Variants in PDE7B observed in about 807,000 individuals in gnomAD.
PDE7B encodes 3',5'-cyclic-AMP phosphodiesterase 7B.
In PDE7B, 29 loss-of-function variants were observed where a neutral mutation model predicts 56.2. The observed-to-expected ratio is 0.52, with a 90% CI of 0.38 to 0.70. PDE7B has a LOEUF of 0.70. PDE7B is among the 30% of genes least tolerant of loss of function. The pLI is 0.00. For missense variants in PDE7B, 490 were observed against 565.0 expected (o/e 0.87, Z 1.35); for synonymous variants, 197 against 196.9 (o/e 1.00, Z 0.00).
At chr6:135,998,500 T>C (rs1322137104) in intron 2 of PDE7B, among the ~76,000 whole-genome samples, 4 of 152,230 alleles carry the variant, frequency 2.6e-5, no homozygotes, top group African/African-American at 4.8e-5. Flanking sequence ...CTCACGCCTG[T>C]AATCCCAGCA....
intron 1 of PDE7B, among the ~76,000 whole-genome samples, chr6:135,920,825 A>G (rs1774061712): frequency 6.6e-6 from 1 of 152,200 alleles, no homozygotes; most frequent in South Asian, 2.1e-4. Flanking sequence ...TGCGCAGAGT[A>G]TCCAATCCCA....
intron 8 of PDE7B, among the ~76,000 whole-genome samples, chr6:136,173,089 T>G (rs1029167644): frequency 6.6e-6 from 1 of 151,528 alleles, no homozygotes; most frequent in Non-Finnish European, 1.5e-5. Context: ...CAAGGTAATT[T>G]ATAGATTCAA....
intron 2 of PDE7B, 98 bp from the exon 3 acceptor site, chr6:136,108,633 C>A (rs1777693139): frequency 3.8e-6 from 3 of 796,780 alleles, no homozygotes; most frequent in Non-Finnish European, 4.5e-6. Context: ...CCATTTTTCT[C>A]CTGACATCTG....
At chr6:135,868,199 A>G (rs1275923580) in intron 1 of PDE7B, among the ~76,000 whole-genome samples, 1 of 151,880 alleles carries the variant, frequency 6.6e-6, no homozygotes, top group Non-Finnish European at 1.5e-5. Flanking sequence ...TCAGGCTAGG[A>G]TAAGTTCTTT....
At chr6:136,181,394 G>T in intron 11 of PDE7B, 71 bp downstream of exon 11, 1 of 904,046 alleles carries the variant, frequency 1.1e-6, no homozygotes. Context: ...AATAAAACAG[G>T]AAATGGCTGA....
At chr6:136,011,448 T>C (rs192856641) in intron 2 of PDE7B, among the ~76,000 whole-genome samples, 54 of 152,380 alleles carry the variant, frequency 3.5e-4, no homozygotes, top group African/African-American at 1.2e-3. Context: ...GCCAAAGTTA[T>C]AGAAAATATA....
intron 8 of PDE7B, among the ~76,000 whole-genome samples, chr6:136,165,895 G>A (rs979799447): frequency 2.0e-5 from 3 of 152,170 alleles, no homozygotes; most frequent in Non-Finnish European, 2.9e-5. Context: ...GGTTCTGTGA[G>A]TAAGGAAGAA....
intron 1 of PDE7B, among the ~76,000 whole-genome samples, chr6:135,909,669 CAT>C (rs1776177632): frequency 1.3e-5 from 2 of 152,108 alleles, no homozygotes; most frequent in African/African-American, 2.4e-5. Context: ...TCATAATAAT[CAT>C]ATATGTTATT....
chr6:135,922,245 A>G (rs945492864), intron 1 of PDE7B, among the ~76,000 whole-genome samples: 2 of 152,194 alleles, frequency 1.3e-5, no homozygotes, highest in South Asian at 2.1e-4. Flanking sequence ...GTGGCATTTT[A>G]TATGAGTCAG....
At chr6:135,997,942 A>AAAAC (rs1471853247) in intron 2 of PDE7B, among the ~76,000 whole-genome samples, 1 of 152,172 alleles carries the variant, frequency 6.6e-6, no homozygotes, top group African/African-American at 2.4e-5. Context: ...TACATTTTAC[A>AAAAC]AAACAAACAA....
chr6:136,065,313 G>A (rs1041911210), intron 2 of PDE7B, among the ~76,000 whole-genome samples: 2 of 152,072 alleles, frequency 1.3e-5, no homozygotes, highest in African/African-American at 4.8e-5. Context: ...AAATCACAGG[G>A]CTAGAATAAT....
At position 135,994,808 on chromosome 6, in the gene PDE7B, T is replaced by C. The variant is rs539993311; in HGVS notation, c.82+47284T>C. ...AACAATTCGAGAATGCTAAGAATTA[T>C]TATATTAGCATGTACTAAAGCTCTC... On this transcript the variant is annotated intron_variant, in intron 2 of 12. Coordinates refer to ENST00000308191, the MANE Select transcript of PDE7B (RefSeq NM_018945.4). Among the ~76,000 whole-genome samples, 9 of 152,284 alleles carry C rather than the reference T, an allele frequency of 5.9e-5. No individual in the cohort carries two copies. In the East Asian group the frequency reaches 1.3e-3, roughly 23 times the overall value.
At chr6:136,115,200 A>T (rs1365208188) in intron 3 of PDE7B, among the ~76,000 whole-genome samples, 2 of 152,146 alleles carry the variant, frequency 1.3e-5, no homozygotes, top group Non-Finnish European at 2.9e-5. Context: ...CAAATAATAC[A>T]TGCCTGTATA....
intron 2 of PDE7B, among the ~76,000 whole-genome samples, chr6:136,096,863 C>T (rs949592970): frequency 6.6e-6 from 1 of 151,992 alleles, no homozygotes; most frequent in African/African-American, 2.4e-5. Flanking sequence ...CTATGCTTCT[C>T]TCTCTCTCTC....
intron 3 of PDE7B, among the ~76,000 whole-genome samples, chr6:136,131,054 C>A (rs1286187341): frequency 6.6e-6 from 1 of 152,138 alleles, no homozygotes; most frequent in Non-Finnish European, 1.5e-5. Flanking sequence ...AAACCATATC[C>A]ATTCTGTATA....
chr6:136,103,352 T>A (rs2128217396), intron 2 of PDE7B, among the ~76,000 whole-genome samples: 1 of 152,358 alleles, frequency 6.6e-6, no homozygotes, highest in East Asian at 1.9e-4. Context: ...TGCTATCCCA[T>A]AAATCTATGG....
In PDE7B at chr6:136,063,175, C is replaced by T. The variant is rs62429957; in HGVS notation, c.83-45556C>T. Among the ~76,000 whole-genome samples, 941 of 152,242 alleles carry T rather than the reference C, an allele frequency of 6.2e-3. 2 individuals carry two copies. Among genetic ancestry groups the T allele is most frequent in the Non-Finnish European group, 8.4e-3 (570 of 68,018 alleles). On this transcript the variant is annotated intron_variant, in intron 2 of 12. Coordinates refer to ENST00000308191, the MANE Select transcript of PDE7B (RefSeq NM_018945.4). ...AATAGCAATATGTGAATCTGAGTCT[C>T]AAGTAAATATGGGTAAATATTATCG... is the stretch of plus-strand genomic sequence containing the variant.
At chr6:136,172,868 C>G (rs1263707737) in intron 8 of PDE7B, among the ~76,000 whole-genome samples, 1 of 152,114 alleles carries the variant, frequency 6.6e-6, no homozygotes, top group Admixed American at 6.6e-5. Context: ...AACAGACAAA[C>G]AGAGAGCCAA....
chr6:135,872,921 C>T (rs1775413306), intron 1 of PDE7B, among the ~76,000 whole-genome samples: 1 of 152,152 alleles, frequency 6.6e-6, no homozygotes, highest in African/African-American at 2.4e-5. Flanking sequence ...CATTTCTCCA[C>T]ATCCAAATCT....
Sources: gnomAD v4.1 joint callset for allele counts (sites outside exome capture counted in the v4.1 genomes callset) on GRCh38, gnomAD v4.1.1 for gene constraint, MANE v1.5 for transcripts, NCBI Gene and HGNC (gene_info 2026-07-23, HGNC 2026-07-21) for gene names.